The following TBC1D9B variants were observed in gnomAD, a reference collection of about 807,000 sequenced individuals.
TBC1D9B encodes TBC1 domain family member 9B.
TBC1D9B carries 87 observed loss-of-function variants against 121.1 expected under a neutral mutation model. The observed-to-expected ratio is 0.72, with a 90% CI of 0.60 to 0.86. The LOEUF (loss-of-function observed/expected upper bound fraction) is 0.86. Ranked by LOEUF, TBC1D9B falls within the 40% of genes least tolerant of loss-of-function variation. The pLI, the probability that TBC1D9B is intolerant of heterozygous loss-of-function variation, is 0.00. For missense variants in TBC1D9B, 1,540 were observed against 1,628.6 expected (o/e 0.95, Z 0.94); for synonymous variants, 668 against 670.1 (o/e 1.00, Z 0.05).
At chr5:179,893,585 T>C in intron 4 of TBC1D9B, 118 bp from the exon 5 acceptor site, 1 of 1,369,660 alleles carries the variant, frequency 7.3e-7, no homozygotes, top group Middle Eastern at 2.5e-4. Context: ...GCACTTCCTG[T>C]GTGCCCAGGC....
At chr5:179,894,267 T>G in intron 4 of TBC1D9B, 119 bp downstream of exon 4, 1 of 948,676 alleles carries the variant, frequency 1.1e-6, no homozygotes, top group Non-Finnish European at 1.6e-6. Context: ...GCCGCTAAGG[T>G]GGCATTTGGG....
chr5:179,876,181 G>A, intron 10 of TBC1D9B, 144 bp from the exon 11 acceptor site: 1 of 661,848 alleles, frequency 1.5e-6, no homozygotes, highest in South Asian at 2.2e-5. Flanking sequence ...TATTTTTCAG[G>A]TTCTCGTGGT....
intron 15 of TBC1D9B, 54 bp downstream of exon 15, chr5:179,871,408 T>C (rs368289971): frequency 1.5e-4 from 241 of 1,562,142 alleles, no homozygotes; most frequent in Non-Finnish European, 2.0e-4. Context: ...ATTTCTTTTC[T>C]GGCAGGAAGC....
At chr5:179,888,511 T>C (rs1760761934) in intron 6 of TBC1D9B, among the ~76,000 whole-genome samples, 199 bp from the exon 7 acceptor site, 1 of 152,136 alleles carries the variant, frequency 6.6e-6, no homozygotes, top group Non-Finnish European at 1.5e-5. Flanking sequence ...AGGGCCCGTT[T>C]TTCCTGTCGA....
chr5:179,904,567 T>G lies in TBC1D9B; in HGVS notation c.229+135A>C. The G allele has an allele frequency of 1.3e-6, 1 of 785,664 alleles. No homozygotes were observed. Among genetic ancestry groups the G allele is most frequent in the South Asian group, 1.7e-5 (1 of 59,238 alleles). 48.7% of individuals were successfully genotyped at this position (785,664 alleles called of 1,614,324 possible). On this transcript the variant is annotated intron_variant, in intron 2 of 20. Coordinates refer to ENST00000355235, the MANE Select transcript of TBC1D9B (RefSeq NM_015043.4). This position sits in a 1 kb window ranked among gnomAD's most constrained non-coding sequence, Gnocchi z 4.2. ...AGATGGAAGCGAAGGCTCCTCCACT[T>G]CCCTCTTGCAGCCTTGGGCTATGCT...
At position 179,863,318 on chromosome 5, in the gene TBC1D9B, A is replaced by T; in HGVS notation, c.*130T>A. ...GTCTGCACCAGCCTTCTTTCCACTC[A>T]CAACTCACTGCTCCTGGGAGAGCAG... is the stretch of plus-strand genomic sequence containing the variant. On this transcript the variant is annotated 3_prime_UTR_variant, in exon 21 of 21. Coordinates refer to ENST00000355235, the MANE Select transcript of TBC1D9B (RefSeq NM_015043.4). The surrounding 1 kb of genome is among the most constrained non-coding windows in gnomAD (Gnocchi z 4.5). 9.0e-7 allele frequency: 1 copy of T among 1,108,762 alleles called. No individual in the cohort carries two copies. Among genetic ancestry groups the T allele is most frequent in the Non-Finnish European group, 1.3e-6 (1 of 787,310 alleles). 68.7% of individuals were successfully genotyped at this position (1,108,762 alleles called of 1,614,324 possible).
chr5:179,892,951 CA>C (rs1561645636), intron 5 of TBC1D9B, among the ~76,000 whole-genome samples: 1 of 152,222 alleles, frequency 6.6e-6, no homozygotes, highest in Non-Finnish European at 1.5e-5. Context: ...CCCTTCCCAT[CA>C]TAGGGCCAAG....
At position 179,901,168 on chromosome 5, in the gene TBC1D9B, C is replaced by T. The variant is rs74596351; in HGVS notation, c.230-1861G>A. The stretch of plus-strand genomic sequence containing the variant: ...ATTCCACCCAGAATCACACAGCTTG[C>T]AGTGAGTCACAAAAGGCCCCCAGAA... On this transcript the variant is annotated intron_variant, in intron 2 of 20. Coordinates refer to ENST00000355235, the MANE Select transcript of TBC1D9B (RefSeq NM_015043.4). Among the ~76,000 whole-genome samples the T allele has an allele frequency of 1.6e-3, 250 of 152,342 alleles. 1 individual carries two copies. The highest frequency in any genetic ancestry group is 5.9e-3 in the African/African-American group (245 of 41,570).
intron 7 of TBC1D9B, 117 bp downstream of exon 7, chr5:179,887,986 C>T: frequency 7.7e-7 from 1 of 1,300,922 alleles, no homozygotes; most frequent in South Asian, 1.2e-5. Flanking sequence ...ACACATCCAC[C>T]CCTAGGCGGA....
chr5:179,864,200 C>T, intron 20 of TBC1D9B, 72 bp from the exon 21 acceptor site: 6 of 1,428,800 alleles, frequency 4.2e-6, no homozygotes, highest in Non-Finnish European at 5.6e-6. Context: ...ATTAGCCAAA[C>T]TGATGACAAG....
Position 179,865,437 on chromosome 5 carries a change from G to T in TBC1D9B, c.2915-77C>A. ...GCTGACAGCAGGGAGAGGAAGAGTTGGGTGTTTTCTGGCATGGAGTTACCA... is the reference window on the plus strand; with the variant it reads ...GCTGACAGCAGGGAGAGGAAGAGTTTGGTGTTTTCTGGCATGGAGTTACCA... On this transcript the variant is annotated intron_variant, in intron 19 of 20. Coordinates refer to ENST00000355235, the MANE Select transcript of TBC1D9B (RefSeq NM_015043.4). This position sits in a 1 kb window ranked among gnomAD's most constrained non-coding sequence, Gnocchi z 5.1. 7.1e-7 allele frequency: 1 copy of T among 1,407,142 alleles called. No homozygotes were observed. 87.2% of individuals were successfully genotyped at this position (1,407,142 alleles called of 1,614,324 possible).
rs557504816 is a variant in TBC1D9B at position 179,891,514 on chromosome 5, G to A, written c.909C>T (p.Asp303=). Residue 303 remains aspartate (D), a synonymous_variant, in exon 6 of 21, where the codon GAC becomes GAT. Transcript: ENST00000355235. This position sits in a 1 kb window ranked among gnomAD's most constrained non-coding sequence, Gnocchi z 4.3. ...TCCACAGGGTGCAGCTTGTGTGGCC[G>A]TCTAGCCGCTCATCCCTGGGCAGCC... The part of the protein sequence containing the change: ...TFRLPRDERL[D]GHTSCTLWTP... 1.4e-5 allele frequency: 23 copies of A among 1,614,084 alleles called. No homozygotes were observed. The highest frequency in any genetic ancestry group is 1.7e-4 in the Middle Eastern group (1 of 6,028).
At chr5:179,901,858 T>C (rs892347398) in intron 2 of TBC1D9B, among the ~76,000 whole-genome samples, 1 of 152,256 alleles carries the variant, frequency 6.6e-6, no homozygotes, top group Non-Finnish European at 1.5e-5. Flanking sequence ...ATTCCATCTC[T>C]ATGCTAGGTG....
rs1761234264 is a variant in TBC1D9B at position 179,904,083 on chromosome 5, G to C, written c.229+619C>G. ...TTGCAAATATGGAATCTTTGAATGA[G>C]GCCGACTACGTCTACCTTGAGAAAA... On this transcript the variant is annotated intron_variant, in intron 2 of 20. Coordinates refer to ENST00000355235, the MANE Select transcript of TBC1D9B (RefSeq NM_015043.4). This position sits in a 1 kb window ranked among gnomAD's most constrained non-coding sequence, Gnocchi z 4.2. 6.6e-6 allele frequency among the ~76,000 whole-genome samples: 1 copy of C among 152,136 alleles called. No homozygotes were observed. Among genetic ancestry groups the C allele is most frequent in the Non-Finnish European group, 1.5e-5 (1 of 68,032 alleles).
rs1467663310 is a variant in TBC1D9B at position 179,875,172 on chromosome 5, T to C, written c.1916A>G (p.Gln639Arg). ...NTRVVGALVD[Q>R]GIFEELTRDF... is the part of the protein sequence containing the mutation. ...TCTCGTGAGCTCTTCGAAGATGCCT[T>C]GGTCCACCAGGGCTCCTGCGGGCAG... Residue 639 changes from glutamine to arginine, a missense_variant, in exon 12 of 21, where the codon CAA (glutamine) becomes CGA (arginine). By Grantham distance (43) the Gln-to-Arg change is conservative. Transcript: ENST00000355235. The surrounding 1 kb of genome is among the most constrained non-coding windows in gnomAD (Gnocchi z 4.5). 1 of 1,613,334 alleles carries C rather than the reference T, an allele frequency of 6.2e-7. No homozygotes were observed. The highest frequency in any genetic ancestry group is 8.5e-7 in the Non-Finnish European group (1 of 1,179,960).
rs767038107 is a variant in TBC1D9B at position 179,873,267 on chromosome 5, A to G, written c.2187-19T>C. On this transcript the variant is annotated intron_variant, in intron 12 of 20. Coordinates refer to ENST00000355235, the MANE Select transcript of TBC1D9B (RefSeq NM_015043.4). The stretch of plus-strand genomic sequence containing the variant: ...CAGGTATCTGCAAAGGACAGAGGAC[A>G]ACAGTCCAGACCACGCCCAGGCAGA... The G allele has an allele frequency of 3.2e-6, 5 of 1,582,930 alleles. No individual in the cohort carries two copies. The highest frequency in any genetic ancestry group is 2.3e-5 in the South Asian group (2 of 85,698).
rs1438235573 is a variant in TBC1D9B, at chr5:179,865,985, AGCCAGCCCCAG to A, written c.2864-108_2864-98del. The A allele has an allele frequency of 6.8e-7, 1 of 1,478,852 alleles. No individual in the cohort carries two copies. Among genetic ancestry groups the A allele is most frequent in the East Asian group, 2.3e-5 (1 of 43,532 alleles). 91.6% of individuals were successfully genotyped at this position (1,478,852 alleles called of 1,614,324 possible). A position where few individuals can be genotyped will look rare whatever the true frequency, so the allele number is the denominator to read the frequency against. On this transcript the variant is annotated intron_variant, in intron 18 of 20. Transcript: ENST00000355235. This position sits in a 1 kb window ranked among gnomAD's most constrained non-coding sequence, Gnocchi z 5.1. ...TGAGATGTAGTCTGTGTTTCTGTAC[AGCCAGCCCCAG>A]GCCAGGCCCTGGGGAGCAGGTCTCC...
intron 16 of TBC1D9B, 117 bp from the exon 17 acceptor site, chr5:179,869,951 C>A: frequency 9.2e-7 from 1 of 1,083,812 alleles, no homozygotes; most frequent in Non-Finnish European, 1.3e-6. Flanking sequence ...CTGGAGAGGT[C>A]ACAGGGTGAG....
rs1266771975 is a variant in TBC1D9B, at chr5:179,907,843, C to T, written c.-22G>A. On this transcript the variant is annotated 5_prime_UTR_variant, in exon 1 of 21. Coordinates refer to ENST00000355235, the MANE Select transcript of TBC1D9B (RefSeq NM_015043.4). The surrounding 1 kb of genome is among the most constrained non-coding windows in gnomAD (Gnocchi z 5.3). ...ACATCGCGGAGCCGCTCGCACCGGG[C>T]CGAGGCCCGCGAGACGGAAGCGCCC... 1 of 1,081,008 alleles carries T rather than the reference C, an allele frequency of 9.3e-7. No homozygotes were observed. The highest frequency in any genetic ancestry group is 1.7e-5 in the African/African-American group (1 of 58,846). The allele number at this position is 1,081,008 out of a possible 1,614,324, so 67.0% of individuals were successfully genotyped here.
Sources: allele counts gnomAD v4.1 joint callset (sites outside exome capture counted in the v4.1 genomes callset), GRCh38; gene constraint gnomAD v4.1.1; non-coding constraint Gnocchi (gnomAD v3.1); transcripts MANE v1.5; gene names NCBI Gene and HGNC (gene_info 2026-07-23, HGNC 2026-07-21).